The following DLG2 variants were observed in gnomAD, a reference collection of about 807,000 sequenced individuals.
DLG2 encodes the protein discs large MAGUK scaffold protein 2, also known as disks large homolog 2.
In DLG2, 45 loss-of-function variants were observed where a neutral mutation model predicts 132.5. That is an observed-to-expected ratio of 0.34 (90% CI 0.27 to 0.44). The LOEUF is 0.44. Ranked by LOEUF, DLG2 falls within the 20% of genes least tolerant of loss-of-function variation. The pLI, the probability that DLG2 is intolerant of heterozygous loss-of-function variation, is 1.00. For missense variants in DLG2, 1,045 were observed against 1,196.9 expected (o/e 0.87, Z 1.87); for synonymous variants, 424 against 419.6 (o/e 1.01, Z -0.13).
intron 6 of DLG2, among the ~76,000 whole-genome samples, chr11:84,838,241 G>C (rs1196068389): frequency 6.6e-6 from 1 of 151,800 alleles, no homozygotes; most frequent in Non-Finnish European, 1.5e-5. Context: ...TCACTAACAA[G>C]CCTCCTTCAA....
rs541649068 is a variant in DLG2 at position 84,275,026 on chromosome 11, C to T, written c.520-23735G>A. 2.6e-5 allele frequency among the ~76,000 whole-genome samples: 4 copies of T among 152,248 alleles called. No homozygotes were observed. In the South Asian group the frequency reaches 8.3e-4, roughly 32 times the overall value. ...ATGTTCTGAATTTCTCAGGAAACAACAGGAAAATAAAAAGCTGTCTTTTAA... is the reference window on the plus strand; with the variant it reads ...ATGTTCTGAATTTCTCAGGAAACAATAGGAAAATAAAAAGCTGTCTTTTAA... On this transcript the variant is annotated intron_variant, in intron 7 of 27. Coordinates refer to ENST00000376104, the MANE Select transcript of DLG2 (RefSeq NM_001142699.3).
intron 7 of DLG2, among the ~76,000 whole-genome samples, chr11:84,272,679 G>C (rs2097740755): frequency 6.6e-6 from 1 of 152,092 alleles, no homozygotes; most frequent in African/African-American, 2.4e-5. Flanking sequence ...CTTTACTAAA[G>C]AAGCAATTAT....
intron 4 of DLG2, among the ~76,000 whole-genome samples, chr11:85,242,525 A>G (rs1019717977): frequency 4.0e-5 from 6 of 151,656 alleles, no homozygotes; most frequent in Admixed American, 2.0e-4. Context: ...CCTGTTACTC[A>G]GGTGTTGGTA....
At chr11:84,313,821 G>A (rs2098327511) in intron 7 of DLG2, among the ~76,000 whole-genome samples, 2 of 152,106 alleles carry the variant, frequency 1.3e-5, no homozygotes, top group African/African-American at 4.8e-5. Context: ...AAACAATGAT[G>A]GACATGTTTC....
chr11:83,607,167 C>A (rs2059470061), intron 19 of DLG2, among the ~76,000 whole-genome samples: 1 of 152,140 alleles, frequency 6.6e-6, no homozygotes, highest in Non-Finnish European at 1.5e-5. Flanking sequence ...TTTATTTGAA[C>A]ACGGTTTGGA....
chr11:83,948,458 T>C (rs2084624959), intron 14 of DLG2, among the ~76,000 whole-genome samples: 1 of 152,118 alleles, frequency 6.6e-6, no homozygotes, highest in Non-Finnish European at 1.5e-5. Flanking sequence ...TCCATGGAAG[T>C]TGATTGCTTT....
chr11:84,804,571 T>C (rs2075785244), intron 6 of DLG2, among the ~76,000 whole-genome samples: 1 of 152,230 alleles, frequency 6.6e-6, no homozygotes, highest in African/African-American at 2.4e-5. Context: ...CTCTAGGTTT[T>C]CTTTTGCTTC....
chr11:84,610,866 C>T (rs143904237), intron 6 of DLG2, among the ~76,000 whole-genome samples: 60 of 152,150 alleles, frequency 3.9e-4, no homozygotes, highest in African/African-American at 1.3e-3. Context: ...AATTCATACA[C>T]GCTGTTTCCT....
At chr11:84,405,366 A>G (rs775562676) in intron 7 of DLG2, among the ~76,000 whole-genome samples, 13 of 152,116 alleles carry the variant, frequency 8.5e-5, no homozygotes, top group Admixed American at 1.3e-4. Context: ...ACTTCCTATT[A>G]TCTCTGCCTG....
At chr11:83,461,854 G>A (rs2090091896) in intron 27 of DLG2, 148 bp downstream of exon 27, 1 of 613,254 alleles carries the variant, frequency 1.6e-6, no homozygotes, top group Non-Finnish European at 3.0e-6. Flanking sequence ...GTGAAGCAGA[G>A]GGATACTCCT....
intron 19 of DLG2, among the ~76,000 whole-genome samples, chr11:83,582,808 T>A (rs2097005505): frequency 6.6e-6 from 1 of 152,258 alleles, no homozygotes. Flanking sequence ...ACTTATACTG[T>A]ATAGTTACAG....
At chr11:85,273,263 T>A (rs536383658) in intron 4 of DLG2, among the ~76,000 whole-genome samples, 59 of 152,150 alleles carry the variant, frequency 3.9e-4, no homozygotes, top group African/African-American at 1.4e-3. Flanking sequence ...TGGGATCTAA[T>A]TAAACTAAAG....
At chr11:85,061,589 C>A (rs2064140397) in intron 6 of DLG2, among the ~76,000 whole-genome samples, 1 of 151,702 alleles carries the variant, frequency 6.6e-6, no homozygotes, top group African/African-American at 2.4e-5. Context: ...TATACTAAAG[C>A]TGATGGTTAA....
chr11:84,146,283 T>G (rs2095078239), intron 9 of DLG2, among the ~76,000 whole-genome samples: 1 of 152,200 alleles, frequency 6.6e-6, no homozygotes, highest in African/African-American at 2.4e-5. Context: ...AAGACATGAT[T>G]AGAATTTAGA....
Position 84,812,099 on chromosome 11 carries a change from T to C in DLG2, c.358-277368A>G, listed in dbSNP as rs143069299. Among the ~76,000 whole-genome samples, 1,272 of 152,262 alleles carry C rather than the reference T, an allele frequency of 8.4e-3. 5 individuals are homozygous for C. The highest frequency in any genetic ancestry group is 0.014 in the Non-Finnish European group (946 of 68,004). On this transcript the variant is annotated intron_variant, in intron 6 of 27. Coordinates refer to ENST00000376104, the MANE Select transcript of DLG2 (RefSeq NM_001142699.3). ...ATAAAAGCGTTTCAGACACTGAAGATAGAAACAGCATGATCCAGACAAATA... is the reference window on the plus strand; with the variant it reads ...ATAAAAGCGTTTCAGACACTGAAGACAGAAACAGCATGATCCAGACAAATA...
intron 4 of DLG2, among the ~76,000 whole-genome samples, chr11:85,265,775 T>G (rs1430599332): frequency 6.6e-6 from 1 of 152,196 alleles, no homozygotes; most frequent in Admixed American, 6.5e-5. Context: ...GAGAAGTAGC[T>G]GGACATCAGA....
At chr11:84,734,138 T>G (rs933273175) in intron 6 of DLG2, among the ~76,000 whole-genome samples, 33 of 152,166 alleles carry the variant, frequency 2.2e-4, no homozygotes, top group Non-Finnish European at 3.5e-4. Context: ...TTTGGTTCCA[T>G]ATGAACTTTA....
chr11:84,663,624 T>G (rs2099697028), intron 6 of DLG2, among the ~76,000 whole-genome samples: 1 of 152,146 alleles, frequency 6.6e-6, no homozygotes, highest in Admixed American at 6.5e-5. Context: ...TTTAGGACTG[T>G]CTTAATTTAT....
intron 3 of DLG2, among the ~76,000 whole-genome samples, chr11:85,376,593 T>C (rs2085423907): frequency 1.3e-5 from 2 of 152,328 alleles, no homozygotes; most frequent in East Asian, 1.9e-4. Flanking sequence ...TCTGCTATAA[T>C]AAACTTGGTT....
Sources: allele counts gnomAD v4.1 joint callset (sites outside exome capture counted in the v4.1 genomes callset), GRCh38; gene constraint gnomAD v4.1.1; transcripts MANE v1.5; gene names NCBI Gene and HGNC (gene_info 2026-07-23, HGNC 2026-07-21).